TNKS: variants seen among roughly 807,000 people sequenced by gnomAD.
The protein encoded by TNKS is tankyrase, also known as poly [ADP-ribose] polymerase tankyrase-1.
A neutral mutation model predicts 135.8 loss-of-function variants in TNKS; 72 were observed. The ratio of observed to expected loss-of-function variants is 0.53; its 90% CI spans 0.44 to 0.64. TNKS has a LOEUF of 0.64. Ranked by LOEUF, TNKS falls within the 30% of genes least tolerant of loss-of-function variation. The probability of loss-of-function intolerance (pLI) is 0.00; values close to 1 mark genes in which losing one functional copy is unlikely to be tolerated. For synonymous variants in TNKS, 849 were observed against 649.3 expected, an observed-to-expected ratio of 1.31 and a Z score of -4.68; for missense variants, 1,769 against 1,674.0, an observed-to-expected ratio of 1.06 and a Z score of -0.99.
intron 3 of TNKS, among the ~76,000 whole-genome samples, chr8:9,673,749 T>C (rs946784025): frequency 7.9e-5 from 12 of 152,066 alleles, no homozygotes; most frequent in Admixed American, 7.9e-4. Flanking sequence ...GGCCTGGAAT[T>C]TTTTTTCACA....
Position 9,680,644 on chromosome 8 carries a change from C to T in TNKS, c.1032-81C>T, listed in dbSNP as rs530064612. The T allele has an allele frequency of 2.1e-4, 195 of 921,540 alleles. 5 individuals carry two copies. In the South Asian group the frequency reaches 2.8e-3, roughly 13 times the overall value. The allele number at this position is 921,540 out of a possible 1,614,324, so 57.1% of individuals were successfully genotyped here. On this transcript the variant is annotated intron_variant, in intron 4 of 26. Coordinates refer to ENST00000310430, the MANE Select transcript of TNKS (RefSeq NM_003747.3). ...GAAATCAAAGCAAACCCATATTTTA[C>T]TCTCGTGTGAAAAAATTATGCATAA...
At position 9,717,072 on chromosome 8, in the gene TNKS, A is replaced by AATATATATAT. The variant is rs368231440; in HGVS notation, c.1750-3281_1750-3272dup. On this transcript the variant is annotated intron_variant, in intron 11 of 26. Coordinates refer to ENST00000310430, the MANE Select transcript of TNKS (RefSeq NM_003747.3). The stretch of plus-strand genomic sequence containing the variant: ...CACCAAAGATAATCTGTTGTATTAT[A>AATATATATAT]ATATATATATATATATATATATATA... Among the ~76,000 whole-genome samples the AATATATATAT allele has an allele frequency of 7.6e-3, 606 of 79,416 alleles. 23 individuals are homozygous for AATATATATAT. Among genetic ancestry groups the AATATATATAT allele is most frequent in the East Asian group, 0.05 (111 of 2,214 alleles). 52.1% of individuals were successfully genotyped at this position (79,416 alleles called of 152,430 possible). A position where few individuals can be genotyped will look rare whatever the true frequency, so the allele number is the denominator to read the frequency against.
At chr8:9,640,235 G>A (rs1800673963) in intron 3 of TNKS, among the ~76,000 whole-genome samples, 1 of 152,132 alleles carries the variant, frequency 6.6e-6, no homozygotes, top group African/African-American at 2.4e-5. Flanking sequence ...AGGCTGGGAA[G>A]TCCAATATCA....
At chr8:9,718,947 G>T (rs552861256) in intron 11 of TNKS, among the ~76,000 whole-genome samples, 6 of 152,186 alleles carry the variant, frequency 3.9e-5, no homozygotes, top group Non-Finnish European at 8.8e-5. Context: ...GAATAAGTTA[G>T]TATGTTTCTT....
At chr8:9,557,795 G>T (rs1333966842) in intron 1 of TNKS, 1 of 152,124 alleles carries the variant, frequency 6.6e-6, no homozygotes, top group African/African-American at 2.4e-5. Flanking sequence ...CCACACTTGG[G>T]AGATATGATT....
At chr8:9,659,281 C>A (rs764138682) in intron 3 of TNKS, among the ~76,000 whole-genome samples, 1 of 152,142 alleles carries the variant, frequency 6.6e-6, no homozygotes, top group Non-Finnish European at 1.5e-5. Context: ...ACAGAATATA[C>A]GTTCTTTTCA....
At chr8:9,692,971 G>A (rs764279096) in intron 5 of TNKS, among the ~76,000 whole-genome samples, 1 of 152,178 alleles carries the variant, frequency 6.6e-6, no homozygotes, top group Non-Finnish European at 1.5e-5. Context: ...CTCTCAAAGA[G>A]CTACTAAGCT....
chr8:9,717,397 A>G (rs1251171144), intron 11 of TNKS, among the ~76,000 whole-genome samples: 1 of 152,012 alleles, frequency 6.6e-6, no homozygotes, highest in Non-Finnish European at 1.5e-5. Flanking sequence ...ATCAATTTAA[A>G]TTATATTTTG....
chr8:9,744,916 C>T (rs1806157432), intron 17 of TNKS, among the ~76,000 whole-genome samples: 1 of 152,180 alleles, frequency 6.6e-6, no homozygotes, highest in South Asian at 2.1e-4. Context: ...CTTAATAATA[C>T]ATACCAGATA....
At chr8:9,567,709 A>G (rs968750895) in intron 1 of TNKS, among the ~76,000 whole-genome samples, 9 of 152,230 alleles carry the variant, frequency 5.9e-5, no homozygotes, top group South Asian at 4.1e-4. Context: ...GAGCCACCGC[A>G]CCCTTCCAGC....
At chr8:9,608,044 G>A (rs981159639) in intron 2 of TNKS, among the ~76,000 whole-genome samples, 5 of 152,068 alleles carry the variant, frequency 3.3e-5, no homozygotes, top group South Asian at 2.1e-4. Context: ...AGGCTCAAGC[G>A]ATCCTCCCAC....
rs75919191 is a variant in TNKS, at chr8:9,644,436, A to G, written c.994+28759A>G. Among the ~76,000 whole-genome samples, 10 of 152,304 alleles carry G rather than the reference A, an allele frequency of 6.6e-5. No homozygotes were observed. In the East Asian group the frequency reaches 1.9e-3, roughly 29 times the overall value. The stretch of plus-strand genomic sequence containing the variant: ...TTAGTTATATTCATTTGATATTTGC[A>G]TGCTGCTACTTGCTTGAACCTATAT... On this transcript the variant is annotated intron_variant, in intron 3 of 26. Transcript: ENST00000310430.
chr8:9,741,657 C>A (rs756050242), intron 17 of TNKS: 1 of 493,508 alleles, frequency 2.0e-6, no homozygotes, highest in East Asian at 5.7e-5. Context: ...TTTTGATCCC[C>A]ATCAGTTAAG....
intron 1 of TNKS, among the ~76,000 whole-genome samples, chr8:9,579,785 C>A (rs958690971): frequency 1.3e-5 from 2 of 152,144 alleles, no homozygotes; most frequent in Admixed American, 6.5e-5. Context: ...ATTTAAATAA[C>A]CCTTGTTTCT....
chr8:9,630,165 C>T (rs1227508544), intron 3 of TNKS, among the ~76,000 whole-genome samples: 1 of 152,186 alleles, frequency 6.6e-6, no homozygotes, highest in Non-Finnish European at 1.5e-5. Flanking sequence ...CTGATTCCCA[C>T]CCCTGACTTT....
chr8:9,614,660 C>G (rs913447808), intron 2 of TNKS, among the ~76,000 whole-genome samples: 1 of 152,146 alleles, frequency 6.6e-6, no homozygotes, highest in African/African-American at 2.4e-5. Flanking sequence ...GGTAGTGCCT[C>G]ATAACTTACA....
chr8:9,616,969 G>A (rs1175949118), intron 3 of TNKS, among the ~76,000 whole-genome samples: 2 of 152,180 alleles, frequency 1.3e-5, no homozygotes, highest in Non-Finnish European at 2.9e-5. Context: ...GAAATACAGT[G>A]CATAGTAACA....
intron 2 of TNKS, among the ~76,000 whole-genome samples, chr8:9,584,164 TAAAAAAA>T (rs34977301): frequency 4.4e-5 from 5 of 114,446 alleles, no homozygotes; most frequent in East Asian, 4.9e-4. Context: ...ACTCTGTCTT[TAAAAAAA>T]AAAAAAAAAA....
intron 11 of TNKS, among the ~76,000 whole-genome samples, chr8:9,712,916 T>C (rs948261566): frequency 6.6e-6 from 1 of 152,194 alleles, no homozygotes; most frequent in Non-Finnish European, 1.5e-5. Context: ...GAAATCTTTT[T>C]AAATTTTTAA....
Sources: gnomAD v4.1 joint callset for allele counts (sites outside exome capture counted in the v4.1 genomes callset) on GRCh38, gnomAD v4.1.1 for gene constraint, MANE v1.5 for transcripts, NCBI Gene and HGNC (gene_info 2026-07-23, HGNC 2026-07-21) for gene names.